Variants in PCDHGA12 observed in about 807,000 individuals in gnomAD.
PCDHGA12 encodes the protein protocadherin gamma-A12.
Under a neutral mutation model 61.1 loss-of-function variants are expected in PCDHGA12, and 43 were observed. That is an observed-to-expected ratio of 0.70 (90% confidence interval 0.55 to 0.91). The LOEUF (loss-of-function observed/expected upper bound fraction) is 0.91. PCDHGA12 is among the 40% of genes least tolerant of loss of function. The pLI, the probability that PCDHGA12 is intolerant of heterozygous loss-of-function variation, is 0.00. For synonymous variants in PCDHGA12, 520 were observed against 542.9 expected (o/e 0.96, Z 0.59); for missense variants, 1,236 against 1,227.7 (o/e 1.01, Z -0.10).
At chr5:141,455,755 T>C (rs1283272521) in intron 1 of PCDHGA12, among the ~76,000 whole-genome samples, 1 of 152,150 alleles carries the variant, frequency 6.6e-6, no homozygotes, top group Non-Finnish European at 1.5e-5. Flanking sequence ...CTGGCCTGGC[T>C]CCTAGAGCCG....
chr5:141,449,756 T>C (rs2098654563), intron 1 of PCDHGA12, among the ~76,000 whole-genome samples: 1 of 151,728 alleles, frequency 6.6e-6, no homozygotes, highest in South Asian at 2.1e-4. Flanking sequence ...TTTATGACAT[T>C]TGAGAGTAAG....
In PCDHGA12 at chr5:141,487,227, G is replaced by A. The variant is rs763361726; in HGVS notation, c.2425-7580G>A. The A allele has an allele frequency of 6.2e-7, 1 of 1,614,070 alleles. No individual in the cohort carries two copies. Among genetic ancestry groups the A allele is most frequent in the Non-Finnish European group, 8.5e-7 (1 of 1,179,952 alleles). On this transcript the variant is annotated intron_variant, in intron 1 of 3. Transcript: ENST00000252085. The surrounding 1 kb of genome is among the most constrained non-coding windows in gnomAD (Gnocchi z 5.0). The stretch of plus-strand genomic sequence containing the variant: ...CGAGAATCTTCAGCTCCAAGGGAAG[G>A]AGAATCTCGTCTAACCCTCTACTTG...
intron 1 of PCDHGA12, among the ~76,000 whole-genome samples, chr5:141,469,599 A>G (rs2099206392): frequency 6.6e-6 from 1 of 152,192 alleles, no homozygotes; most frequent in Non-Finnish European, 1.5e-5. Flanking sequence ...ATAAAACAAA[A>G]TAAGTAAAAT....
Position 141,431,461 on chromosome 5 carries a change from T to C in PCDHGA12, c.702T>C (p.Asp234=), listed in dbSNP as rs1477501293. 1 of 1,613,800 alleles carries C rather than the reference T, an allele frequency of 6.2e-7. No individual in the cohort carries two copies. Among genetic ancestry groups the C allele is most frequent in the Admixed American group, 1.7e-5 (1 of 60,032 alleles). ...GTARIRVMVL[D]ANDNAPAFAQ... ...CGCGCATCCGCGTGATGGTTCTGGA[T>C]GCGAACGACAACGCACCAGCGTTTG... The change falls in exon 1 of 4, where the codon GAT becomes GAC. Residue 234 remains aspartate, a synonymous_variant. Transcript: ENST00000252085. The surrounding 1 kb of genome is among the most constrained non-coding windows in gnomAD (Gnocchi z 4.8).
intron 3 of PCDHGA12, 69 bp from the exon 4 acceptor site, chr5:141,510,878 G>A (rs896348248): frequency 6.2e-7 from 1 of 1,610,438 alleles, no homozygotes; most frequent in African/African-American, 1.3e-5. Context: ...TTAACTGCTG[G>A]GGATATAAGA....
At position 141,489,876 on chromosome 5, in the gene PCDHGA12, T is replaced by C. The variant is rs2099693265; in HGVS notation, c.2425-4931T>C. ...CCCAGGCAAGACATCAGCTGGTGCT[T>C]ACTGCTGTGGATGGGGGGACCCCAG... On this transcript the variant is annotated intron_variant, in intron 1 of 3. Transcript: ENST00000252085. This position sits in a 1 kb window ranked among gnomAD's most constrained non-coding sequence, Gnocchi z 4.5. The C allele has an allele frequency of 6.2e-7, 1 of 1,614,098 alleles. No homozygotes were observed. The highest frequency in any genetic ancestry group is 1.1e-5 in the South Asian group (1 of 91,094).
rs770930842 is a variant in PCDHGA12 at position 141,432,673 on chromosome 5, C to G, written c.1914C>G (p.Leu638=). 10 of 1,613,804 alleles carry G rather than the reference C, an allele frequency of 6.2e-6. No homozygotes were observed. The East Asian group carries it at 1.3e-4, about 22-fold the overall frequency. ...GAGCCCTGCTGGACAGAGACGCGCT[C>G]AAGCAGAGCCTCGTAGTGGCCGTCC... is the stretch of plus-strand genomic sequence containing the variant. ...TARALLDRDA[L]KQSLVVAVQD... is the part of the protein sequence containing the mutation. The change falls in exon 1 of 4, where the codon CTC becomes CTG. Residue 638 remains leucine (L), a synonymous_variant. Transcript: ENST00000252085. The surrounding 1 kb of genome is among the most constrained non-coding windows in gnomAD (Gnocchi z 6.0).
chr5:141,480,240 CA>C lies in PCDHGA12; in HGVS notation c.2425-14552del, dbSNP rs11374694. 4.6e-3 allele frequency among the ~76,000 whole-genome samples: 522 copies of C among 113,846 alleles called. 1 individual carries two copies. Among genetic ancestry groups the C allele is most frequent in the Non-Finnish European group, 5.4e-3 (287 of 52,954 alleles). 74.7% of individuals were successfully genotyped at this position (113,846 alleles called of 152,430 possible). A position where few individuals can be genotyped will look rare whatever the true frequency, so the allele number is the denominator to read the frequency against. ...GCGACATAGTGAGATCCTGTCTCTACAAAAAAAAAAAAAAATGTGTTTTCAT... is the reference window on the plus strand; with the variant it reads ...GCGACATAGTGAGATCCTGTCTCTACAAAAAAAAAAAAAATGTGTTTTCAT... On this transcript the variant is annotated intron_variant, in intron 1 of 3. Coordinates refer to ENST00000252085, the MANE Select transcript of PCDHGA12 (RefSeq NM_003735.3).
chr5:141,509,024 C>T (rs2099873840), intron 3 of PCDHGA12, among the ~76,000 whole-genome samples: 1 of 152,108 alleles, frequency 6.6e-6, no homozygotes, highest in African/African-American at 2.4e-5. Flanking sequence ...GCTGCTCCCT[C>T]CCACTCAACC....
chr5:141,478,199 C>T lies in PCDHGA12; in HGVS notation c.2425-16608C>T, dbSNP rs759439765. 3.7e-6 allele frequency: 6 copies of T among 1,614,056 alleles called. No homozygotes were observed. The Middle Eastern group carries it at 6.6e-4, about 178-fold the overall frequency. On this transcript the variant is annotated intron_variant, in intron 1 of 3. Coordinates refer to ENST00000252085, the MANE Select transcript of PCDHGA12 (RefSeq NM_003735.3). ...GAAAAAAAATCTCACCTTTTATCTA[C>T]TTCTTTCTCTAATCCTGGTTTCTGT...
chr5:141,499,037 G>A (rs912832519), intron 2 of PCDHGA12, among the ~76,000 whole-genome samples: 1 of 150,904 alleles, frequency 6.6e-6, no homozygotes, highest in South Asian at 2.1e-4. Context: ...AGAAAAGAAA[G>A]AAAAAGGGAG....
chr5:141,501,945 T>C (rs1318749969), intron 2 of PCDHGA12, among the ~76,000 whole-genome samples: 1 of 152,106 alleles, frequency 6.6e-6, no homozygotes, highest in Non-Finnish European at 1.5e-5. Context: ...CACTGCTCCC[T>C]GTGACAGGTC....
In PCDHGA12 at chr5:141,491,921, A is replaced by T; in HGVS notation, c.2425-2886A>T. ...CCGGGGGTGGTGGCGACTGTGGGCG[A>T]GGGGAGGTGGGACCGACCCCCACCC... On this transcript the variant is annotated intron_variant, in intron 1 of 3. Coordinates refer to ENST00000252085, the MANE Select transcript of PCDHGA12 (RefSeq NM_003735.3). The surrounding 1 kb of genome is among the most constrained non-coding windows in gnomAD (Gnocchi z 6.9). The T allele has an allele frequency of 1.5e-6, 2 of 1,353,738 alleles. No homozygotes were observed. Among genetic ancestry groups the T allele is most frequent in the Non-Finnish European group, 2.0e-6 (2 of 1,013,388 alleles). 83.9% of individuals were successfully genotyped at this position (1,353,738 alleles called of 1,614,324 possible). A position where few individuals can be genotyped will look rare whatever the true frequency, so the allele number is the denominator to read the frequency against.
intron 1 of PCDHGA12, chr5:141,441,995 G>T: frequency 8.1e-6 from 2 of 246,740 alleles, no homozygotes; most frequent in Non-Finnish European, 8.0e-6. Flanking sequence ...CCGACGAGGT[G>T]CTGACAGCTC....
At position 141,512,346 on chromosome 5, in the gene PCDHGA12, G is replaced by A. The variant is rs1391003897; in HGVS notation, c.*1173G>A. ...CAGGCCATTCTTAGTCCCTGGGTTG[G>A]GGAGGCAGGGAGCTAGGGCAGGGAC... On this transcript the variant is annotated 3_prime_UTR_variant, in exon 4 of 4. Transcript: ENST00000252085. 6.5e-6 allele frequency: 1 copy of A among 152,876 alleles called. No individual in the cohort carries two copies. Among genetic ancestry groups the A allele is most frequent in the Non-Finnish European group, 1.5e-5 (1 of 68,232 alleles). 9.5% of individuals were successfully genotyped at this position (152,876 alleles called of 1,614,324 possible). A position where few individuals can be genotyped will look rare whatever the true frequency, so the allele number is the denominator to read the frequency against.
chr5:141,500,497 C>T (rs1214550546), intron 2 of PCDHGA12, among the ~76,000 whole-genome samples: 1 of 152,174 alleles, frequency 6.6e-6, no homozygotes, highest in Non-Finnish European at 1.5e-5. Context: ...GCGTGAGCCA[C>T]CGCGCCTGGC....
In PCDHGA12 at chr5:141,477,857, C is replaced by A. The variant is rs548674958; in HGVS notation, c.2425-16950C>A. On this transcript the variant is annotated intron_variant, in intron 1 of 3. Transcript: ENST00000252085. The surrounding 1 kb of genome is among the most constrained non-coding windows in gnomAD (Gnocchi z 4.9). ...AGGTGGGAGCTCGGTGGAGATGCTG[C>A]CTCGAGGTACCTCAGCTGGCCACCT... 2.9e-5 allele frequency: 47 copies of A among 1,613,454 alleles called. No individual in the cohort carries two copies. In the South Asian group the frequency reaches 4.9e-4, roughly 17 times the overall value.
At chr5:141,488,866 G>A (rs957501628) in intron 1 of PCDHGA12, among the ~76,000 whole-genome samples, 1 of 152,148 alleles carries the variant, frequency 6.6e-6, no homozygotes, top group African/African-American at 2.4e-5. Flanking sequence ...GAAGTGAGTG[G>A]GGAGGTAGGA....
chr5:141,444,463 G>A (rs570185430), intron 1 of PCDHGA12, among the ~76,000 whole-genome samples: 10 of 152,026 alleles, frequency 6.6e-5, no homozygotes, highest in Admixed American at 1.3e-4. Context: ...GAGTCACTGC[G>A]CCCGGTCGCG....
Sources: gnomAD v4.1 joint callset for allele counts (sites outside exome capture counted in the v4.1 genomes callset) on GRCh38, gnomAD v4.1.1 for gene constraint, Gnocchi (gnomAD v3.1) non-coding constraint, MANE v1.5 for transcripts, NCBI Gene and HGNC (gene_info 2026-07-23, HGNC 2026-07-21) for gene names.